The following EPB41L4A variants were observed in gnomAD, a reference collection of about 807,000 sequenced individuals.
The protein encoded by EPB41L4A is band 4.1-like protein 4A.
In EPB41L4A, 100 loss-of-function variants were observed where a neutral mutation model predicts 108.6. The ratio of observed to expected loss-of-function variants is 0.92; its 90% confidence interval spans 0.78 to 1.09. EPB41L4A has a LOEUF of 1.09. Among genes scored for constraint, EPB41L4A ranks in the 50% least tolerant of loss-of-function variants. EPB41L4A has a pLI of 0.00. For synonymous variants in EPB41L4A, 319 were observed against 289.0 expected, an observed-to-expected ratio of 1.10 and a Z score of -1.05; for missense variants, 1,030 against 842.7, an observed-to-expected ratio of 1.22 and a Z score of -2.75.
At chr5:112,392,348 C>T (rs890460601) in intron 1 of EPB41L4A, among the ~76,000 whole-genome samples, 6 of 124,872 alleles carry the variant, frequency 4.8e-5, no homozygotes, top group Non-Finnish European at 1.6e-5. Flanking sequence ...TGCAGAGACA[C>T]ACATAGGCTC....
At chr5:112,389,777 AT>A (rs377637728) in intron 1 of EPB41L4A, among the ~76,000 whole-genome samples, 5 of 152,280 alleles carry the variant, frequency 3.3e-5, no homozygotes, top group African/African-American at 1.2e-4. Context: ...TTTAAACTAA[AT>A]TTGTTATAAT....
At chr5:112,290,919 C>A (rs75077126) in intron 2 of EPB41L4A, among the ~76,000 whole-genome samples, 25 of 152,298 alleles carry the variant, frequency 1.6e-4, no homozygotes, top group African/African-American at 6.0e-4. Flanking sequence ...ATGGTTAGCA[C>A]AGCTGCACAC....
intron 1 of EPB41L4A, among the ~76,000 whole-genome samples, chr5:112,385,724 G>C (rs975759709): frequency 6.6e-6 from 1 of 152,068 alleles, no homozygotes; most frequent in African/African-American, 2.4e-5. Flanking sequence ...AATGGAAACC[G>C]AAAATTGGTC....
downstream of EPB41L4A, among the ~76,000 whole-genome samples, chr5:112,160,015 T>C (rs1759796864): frequency 7.3e-6 from 1 of 136,394 alleles, no homozygotes; most frequent in Non-Finnish European, 1.6e-5. Flanking sequence ...GTTCAAGCCA[T>C]TTCTCCTGCC....
chr5:112,412,714 A>T (rs1762480185), intron 1 of EPB41L4A, among the ~76,000 whole-genome samples: 1 of 152,194 alleles, frequency 6.6e-6, no homozygotes, highest in Admixed American at 6.5e-5. Flanking sequence ...GACCAGGAGC[A>T]ATATGCAGGA....
intron 1 of EPB41L4A, among the ~76,000 whole-genome samples, chr5:112,314,505 TAAAAAAAAAAAAAAAAAAAA>T (rs552428109): frequency 3.6e-5 from 2 of 55,186 alleles, no homozygotes; most frequent in Non-Finnish European, 6.1e-5. Flanking sequence ...CCATCGCTAC[TAAAAAAAAAAAAAAAAAAAA>T]AAAAAAAAAA....
chr5:112,143,598 T>G (rs1383942821), exon 14 of EPB41L4A: 1 of 174,900 alleles, frequency 5.7e-6, no homozygotes, highest in Non-Finnish European at 1.2e-5. Context: ...CTTCCCTGTC[T>G]CTCTTTGTGT....
chr5:112,408,071 A>C (rs943022022), intron 1 of EPB41L4A, among the ~76,000 whole-genome samples: 8 of 152,244 alleles, frequency 5.3e-5, no homozygotes, highest in African/African-American at 1.4e-4. Flanking sequence ...ATGTAGATCA[A>C]TGGGATAGAA....
chr5:112,346,111 T>A (rs549198954), intron 1 of EPB41L4A, among the ~76,000 whole-genome samples: 3 of 151,786 alleles, frequency 2.0e-5, no homozygotes, highest in African/African-American at 7.2e-5. Context: ...AAGACTGCCA[T>A]CGTTTTGGGA....
intron 15 of EPB41L4A, among the ~76,000 whole-genome samples, chr5:112,198,177 G>A (rs1561467889): frequency 6.6e-6 from 1 of 152,054 alleles, no homozygotes; most frequent in Non-Finnish European, 1.5e-5. Flanking sequence ...TGGGATTACA[G>A]GCATGCACCA....
intron 1 of EPB41L4A, among the ~76,000 whole-genome samples, chr5:112,407,902 C>G (rs1488386264): frequency 6.6e-6 from 1 of 152,206 alleles, no homozygotes; most frequent in Non-Finnish European, 1.5e-5. Context: ...GAAGATTTAA[C>G]AGTGAGCAAA....
At chr5:112,365,406 GA>G (rs1759058365) in intron 1 of EPB41L4A, among the ~76,000 whole-genome samples, 1 of 152,034 alleles carries the variant, frequency 6.6e-6, no homozygotes, top group African/African-American at 2.4e-5. Flanking sequence ...TGGGCATAGG[GA>G]AAAAGTATGT....
intron 22 of EPB41L4A, 56 bp downstream of exon 22, chr5:112,168,683 T>A (rs1760392645): frequency 7.0e-7 from 1 of 1,421,302 alleles, no homozygotes; most frequent in South Asian, 1.2e-5. Context: ...AAGCACAAAA[T>A]GCTTCTCAAA....
chr5:112,400,063 T>A (rs1303358777), intron 1 of EPB41L4A, among the ~76,000 whole-genome samples: 1 of 152,276 alleles, frequency 6.6e-6, no homozygotes, highest in Non-Finnish European at 1.5e-5. Flanking sequence ...GGGTAACTTA[T>A]GAAAGAAAGA....
chr5:112,316,916 G>C (rs1755463344), intron 1 of EPB41L4A, among the ~76,000 whole-genome samples: 1 of 152,172 alleles, frequency 6.6e-6, no homozygotes, highest in African/African-American at 2.4e-5. Flanking sequence ...CTCTAAGCAA[G>C]GTAATCTGAC....
At chr5:112,253,184 C>A (rs532341818) in intron 9 of EPB41L4A, among the ~76,000 whole-genome samples, 2 of 152,278 alleles carry the variant, frequency 1.3e-5, no homozygotes, top group East Asian at 3.9e-4. Context: ...GCAGAGAAAT[C>A]AGGCAACACT....
intron 12 of EPB41L4A, among the ~76,000 whole-genome samples, chr5:112,152,836 A>T (rs1175191938): frequency 6.6e-6 from 1 of 152,176 alleles, no homozygotes; most frequent in African/African-American, 2.4e-5. Flanking sequence ...AAATTACCAG[A>T]TTCAAAGATT....
intron 1 of EPB41L4A, among the ~76,000 whole-genome samples, chr5:112,349,023 G>C (rs1757867373): frequency 6.6e-6 from 1 of 152,190 alleles, no homozygotes; most frequent in Admixed American, 6.5e-5. Context: ...GACTGTCATG[G>C]ACCCAACAGA....
chr5:112,204,759 T>C (rs2150298128), intron 14 of EPB41L4A: 1 of 306,444 alleles, frequency 3.3e-6, no homozygotes, highest in East Asian at 5.6e-5. Context: ...CAATAACAAT[T>C]CATACATATG....
Sources: gnomAD v4.1 joint callset for allele counts (sites outside exome capture counted in the v4.1 genomes callset) on GRCh38, gnomAD v4.1.1 for gene constraint, MANE v1.5 for transcripts, NCBI Gene and HGNC (gene_info 2026-07-23, HGNC 2026-07-21) for gene names.